The following AACS variants were observed in gnomAD, a reference collection of about 807,000 sequenced individuals.
AACS encodes the protein acetoacetyl-CoA synthetase.
In AACS, 69 loss-of-function variants were observed where a neutral mutation model predicts 83.1. That is an observed-to-expected ratio of 0.83 (90% CI 0.68 to 1.01). The LOEUF is 1.01. Among genes scored for constraint, AACS ranks in the 50% least tolerant of loss-of-function variants. AACS has a pLI of 0.00. For synonymous variants in AACS, 333 were observed against 343.4 expected, an observed-to-expected ratio of 0.97 and a Z score of 0.33; for missense variants, 866 against 882.2, an observed-to-expected ratio of 0.98 and a Z score of 0.23.
intron 5 of AACS, among the ~76,000 whole-genome samples, chr12:125,096,108 G>A (rs1327913928): frequency 5.3e-5 from 8 of 152,206 alleles, no homozygotes; most frequent in Non-Finnish European, 1.5e-5. Context: ...GGGACTACAG[G>A]CGCCTGCCAC....
intron 12 of AACS, 132 bp downstream of exon 12, chr12:125,125,156 A>C: frequency 2.2e-6 from 3 of 1,356,812 alleles, no homozygotes; most frequent in Non-Finnish European, 3.0e-6. Flanking sequence ...GTCCCTTCTC[A>C]TGATCTGAGG....
chr12:125,085,630 T>C (rs12369056), intron 3 of AACS, among the ~76,000 whole-genome samples: 58,799 of 152,230 alleles, frequency 0.39, 11,590 homozygotes, highest in Middle Eastern at 0.48. Context: ...TCCATTTCTG[T>C]TTCCTGTCTT....
At chr12:125,119,842 C>T (rs1250391947) in intron 10 of AACS, 1 of 152,216 alleles carries the variant, frequency 6.6e-6, no homozygotes, top group Non-Finnish European at 1.5e-5. Flanking sequence ...GAACCTGTGA[C>T]TGGGGGGCTG....
intron 16 of AACS, chr12:125,135,677 C>A (rs1056689424): frequency 6.6e-6 from 1 of 152,286 alleles, no homozygotes; most frequent in Non-Finnish European, 1.5e-5. Context: ...GTAGAGAAAT[C>A]CCGATGTCTG....
At chr12:125,103,558 C>G (rs1335918159) in intron 7 of AACS, among the ~76,000 whole-genome samples, 2 of 152,228 alleles carry the variant, frequency 1.3e-5, no homozygotes, top group Non-Finnish European at 2.9e-5. Flanking sequence ...GCTATGCATA[C>G]ATAAACACTC....
At chr12:125,133,892 C>T (rs1957362254) in intron 14 of AACS, 111 bp from the exon 15 acceptor site, 2 of 1,083,116 alleles carry the variant, frequency 1.8e-6, no homozygotes, top group African/African-American at 1.6e-5. Context: ...CCATGCCAGA[C>T]CTGCCTCTGG....
intron 10 of AACS, 83 bp from the exon 11 acceptor site, chr12:125,124,622 A>G (rs1957214756): frequency 1.9e-6 from 3 of 1,554,618 alleles, no homozygotes; most frequent in African/African-American, 1.4e-5. Context: ...CAAACTTGTC[A>G]GAAATAAATC....
chr12:125,077,563 G>T (rs1168820253), intron 3 of AACS, among the ~76,000 whole-genome samples: 1 of 151,556 alleles, frequency 6.6e-6, no homozygotes, highest in Admixed American at 6.6e-5. Flanking sequence ...GACACTCTTT[G>T]TGTCTAAGAC....
intron 8 of AACS, among the ~76,000 whole-genome samples, chr12:125,114,049 C>T (rs567339852): frequency 6.6e-6 from 1 of 151,828 alleles, no homozygotes; most frequent in African/African-American, 2.4e-5. Flanking sequence ...ACCACATCCC[C>T]CTCACCCCGC....
At chr12:125,133,545 A>G (rs1054907744) in intron 14 of AACS, among the ~76,000 whole-genome samples, 1 of 152,334 alleles carries the variant, frequency 6.6e-6, no homozygotes, top group East Asian at 1.9e-4. Context: ...CTGGTGCAGT[A>G]GCCTCCTTCC....
intron 7 of AACS, among the ~76,000 whole-genome samples, chr12:125,104,570 G>T (rs1956792138): frequency 6.6e-6 from 1 of 152,194 alleles, no homozygotes; most frequent in African/African-American, 2.4e-5. Flanking sequence ...ATCTGGGGAG[G>T]TGGCATCTGG....
rs1227127445 is a variant in AACS at position 125,129,661 on chromosome 12, G to A, written c.1549+201G>A. Among the ~76,000 whole-genome samples the A allele has an allele frequency of 6.6e-6, 1 of 152,140 alleles. No individual in the cohort carries two copies. Among genetic ancestry groups the A allele is most frequent in the Non-Finnish European group, 1.5e-5 (1 of 68,046 alleles). On this transcript the variant is annotated intron_variant, in intron 14 of 17. Transcript: ENST00000316519. This position sits in a 1 kb window ranked among gnomAD's most constrained non-coding sequence, Gnocchi z 4.3. ...TGTCTTCAGCTTGAAGCTATCGTGTGCAACTGCAATCTGGTTTAGTTGAAT... is the reference window on the plus strand; with the variant it reads ...TGTCTTCAGCTTGAAGCTATCGTGTACAACTGCAATCTGGTTTAGTTGAAT...
At chr12:125,080,224 T>C (rs1956138323) in intron 3 of AACS, among the ~76,000 whole-genome samples, 1 of 152,194 alleles carries the variant, frequency 6.6e-6, no homozygotes, top group Non-Finnish European at 1.5e-5. Flanking sequence ...CTCTTTTCTT[T>C]TCCTCGTCTC....
In AACS at chr12:125,072,006, C is replaced by T. The variant is rs1334022496; in HGVS notation, c.134-1870C>T. ...CCAGGTAGCTGGGATTATAGGCATG[C>T]ACCACCACACCTAGCTAATTTTTTG... On this transcript the variant is annotated intron_variant, in intron 1 of 17. Coordinates refer to ENST00000316519, the MANE Select transcript of AACS (RefSeq NM_023928.5). Among the ~76,000 whole-genome samples, 5 of 152,134 alleles carry T rather than the reference C, an allele frequency of 3.3e-5. No individual in the cohort carries two copies. In the East Asian group the frequency reaches 9.7e-4, roughly 29 times the overall value.
At chr12:125,069,486 C>T (rs1209784485) in intron 1 of AACS, among the ~76,000 whole-genome samples, 5 of 152,236 alleles carry the variant, frequency 3.3e-5, no homozygotes, top group Admixed American at 3.3e-4. Flanking sequence ...TCACTGCTTC[C>T]AGCTGAAGCC....
chr12:125,065,791 A>C (rs1955674231), intron 1 of AACS, 74 bp downstream of exon 1: 5 of 1,415,342 alleles, frequency 3.5e-6, no homozygotes, highest in African/African-American at 1.5e-5. Context: ...TGGTCTCCCC[A>C]TGGCTAGTTT....
chr12:125,070,243 A>G (rs962542744), intron 1 of AACS, among the ~76,000 whole-genome samples: 1 of 152,196 alleles, frequency 6.6e-6, no homozygotes, highest in Non-Finnish European at 1.5e-5. Flanking sequence ...TAAGTTTCCA[A>G]TAAACCCTGT....
intron 2 of AACS, 100 bp downstream of exon 2, chr12:125,074,079 A>G: frequency 1.0e-6 from 1 of 961,824 alleles, no homozygotes; most frequent in Middle Eastern, 2.2e-4. Context: ...CCTTTTTACA[A>G]CCTCATGCAG....
intron 3 of AACS, among the ~76,000 whole-genome samples, chr12:125,085,394 G>C (rs74733046): frequency 4.2e-5 from 6 of 143,442 alleles, no homozygotes; most frequent in South Asian, 2.2e-4. Flanking sequence ...CATCTGTTTC[G>C]TGGAACCACA....
Sources: gnomAD v4.1 joint callset for allele counts (sites outside exome capture counted in the v4.1 genomes callset) on GRCh38, gnomAD v4.1.1 for gene constraint, Gnocchi (gnomAD v3.1) non-coding constraint, MANE v1.5 for transcripts, NCBI Gene and HGNC (gene_info 2026-07-23, HGNC 2026-07-21) for gene names.